Variants in F12 observed in about 807,000 individuals in gnomAD.
F12 encodes the protein Hageman factor.
In F12, 70 loss-of-function variants were observed where a neutral mutation model predicts 74.8. The observed-to-expected ratio is 0.94, with a 90% CI of 0.77 to 1.14. The LOEUF (loss-of-function observed/expected upper bound fraction) is 1.14. F12 is among the 50% of genes most tolerant of loss of function. The pLI is 0.00. For missense variants in F12, 811 were observed against 835.7 expected, an observed-to-expected ratio of 0.97 and a Z score of 0.36; for synonymous variants, 373 against 356.4, an observed-to-expected ratio of 1.05 and a Z score of -0.52.
rs1225854301 is a variant in F12 at position 177,404,604 on chromosome 5, G to T, written c.695C>A (p.Thr232Lys). 6.2e-7 allele frequency: 1 copy of T among 1,608,540 alleles called. No homozygotes were observed. The stretch of plus-strand genomic sequence containing the variant: ...CGGCTGACAGGGCGCACCCGAGAGC[G>T]TGGTCCTGGCCAGGCCGCGGTAGCT... ...GLSYRGLARTTLSGAPCQPWA... is the reference protein window; with the variant it reads ...GLSYRGLARTKLSGAPCQPWA... Residue 232 changes from threonine (T) to lysine (K), a missense_variant, in exon 8 of 14, where the codon ACG (threonine) becomes AAG (lysine). By Grantham distance (78) the Thr-to-Lys change is moderately conservative. Transcript: ENST00000253496.
At chr5:177,406,431 G>A (rs1253670435) in intron 2 of F12, among the ~76,000 whole-genome samples, 1 of 152,082 alleles carries the variant, frequency 6.6e-6, no homozygotes, top group Admixed American at 6.5e-5. Context: ...GGAGCTTGCA[G>A]TGAGCCGAGA....
Position 177,404,580 on chromosome 5 carries a change from G to C in F12, c.719C>G (p.Pro240Arg). The change falls in exon 8 of 14, where the codon CCG becomes CGG. Residue 240 changes from proline to arginine, a missense_variant. Coordinates refer to ENST00000253496, the MANE Select transcript of F12 (RefSeq NM_000505.4). ...RTTLSGAPCQPWASEATYRNV... is the reference protein window; with the variant it reads ...RTTLSGAPCQRWASEATYRNV... The stretch of plus-strand genomic sequence containing the variant: ...CCGGTAGGTGGCCTCCGAGGCCCAC[G>C]GCTGACAGGGCGCACCCGAGAGCGT... 6.2e-7 allele frequency: 1 copy of C among 1,607,964 alleles called. No homozygotes were observed. The highest frequency in any genetic ancestry group is 2.2e-5 in the East Asian group (1 of 44,742).
rs1445303015 is a variant in F12, at chr5:177,402,354, G to C, written c.1786C>G (p.Pro596Ala). 3.1e-6 allele frequency: 5 copies of C among 1,613,656 alleles called. No homozygotes were observed. Among genetic ancestry groups the C allele is most frequent in the Admixed American group, 1.7e-5 (1 of 60,004 alleles). ...TAGGCCACATCGGTGTAGACGCCTG[G>C]CTTGTTGCGGTCACCACAGCCCGAT... Reference protein sequence around the residue: ...WGSGCGDRNKPGVYTDVAYYL... With the variant: ...WGSGCGDRNKAGVYTDVAYYL... Residue 596 changes from proline (P) to alanine (A), a missense_variant, in exon 14 of 14, where the codon CCA (proline) becomes GCA (alanine). Pro to Ala is a conservative substitution (Grantham distance 27, BLOSUM62 -1). Transcript: ENST00000253496.
At chr5:177,404,759 G>T in intron 7 of F12, 51 bp downstream of exon 7, 1 of 1,589,464 alleles carries the variant, frequency 6.3e-7, no homozygotes, top group Non-Finnish European at 8.6e-7. Context: ...TTCCTGGCAA[G>T]CCCGTCCCAC....
At position 177,405,453 on chromosome 5, in the gene F12, G is replaced by A; in HGVS notation, c.287-20C>T. The A allele has an allele frequency of 1.2e-6, 2 of 1,606,692 alleles. No individual in the cohort carries two copies. Among genetic ancestry groups the A allele is most frequent in the Admixed American group, 1.7e-5 (1 of 59,062 alleles). On this transcript the variant is annotated intron_variant, in intron 4 of 13. Transcript: ENST00000253496. Reference sequence around the variant, plus strand: ...AGTGGTCTGAGAGATGGACATGGTGGAAGGAAGAGCAGGGAGCTGAGTCAC... The same window carrying A: ...AGTGGTCTGAGAGATGGACATGGTGAAAGGAAGAGCAGGGAGCTGAGTCAC...
chr5:177,402,950 T>C (rs1763176590), intron 12 of F12: 3 of 672,546 alleles, frequency 4.5e-6, no homozygotes, highest in Non-Finnish European at 7.4e-6. Flanking sequence ...TCGCAGAACC[T>C]GGCTCCCACA....
In F12 at chr5:177,404,212, C is replaced by T. The variant is rs765891708; in HGVS notation, c.1002G>A (p.Gln334=). ...CTTCCTAACCTCCCGGGGTCTGGGA[C>T]TGAGGCGGGGTCCGGGTCGTGGGCT... ...KPQPTTRTPP[Q]SQTPGALPAK... Residue 334 remains glutamine, a synonymous_variant, in exon 9 of 14, where the codon CAG becomes CAA. Transcript: ENST00000253496. 2 of 1,603,858 alleles carry T rather than the reference C, an allele frequency of 1.2e-6. No homozygotes were observed. Among genetic ancestry groups the T allele is most frequent in the East Asian group, 4.5e-5 (2 of 44,568 alleles).
rs1307946680 is a variant in F12, at chr5:177,404,487, C to T, written c.800+12G>A. ...CTGGGGCGGAGGGGTCACCCAGCCC[C>T]ACGCGGCGCACCGGCAGAAGGCGTG... On this transcript the variant is annotated intron_variant, in intron 8 of 13. Transcript: ENST00000253496. 13 of 1,590,478 alleles carry T rather than the reference C, an allele frequency of 8.2e-6. No homozygotes were observed. Among genetic ancestry groups the T allele is most frequent in the Non-Finnish European group, 1.0e-5 (12 of 1,168,964 alleles).
chr5:177,408,735 C>T (rs1315436020), intron 2 of F12, among the ~76,000 whole-genome samples: 2 of 152,250 alleles, frequency 1.3e-5, no homozygotes, highest in East Asian at 1.9e-4. Context: ...ATGAATGATG[C>T]CCATGAGACG....
In F12 at chr5:177,405,361, A is replaced by T. The variant is rs41309750; in HGVS notation, c.359T>A (p.Leu120His). ...CVNMPSGPHC[L>H]CPQHLTGNHC... The stretch of plus-strand genomic sequence containing the variant: ...GTTTCCAGTGAGGTGTTGTGGACAG[A>T]GACAGTGGGGGCCGCTTGGCATGTT... Residue 120 changes from leucine (L) to histidine (H), a missense_variant, in exon 5 of 14, where the codon CTC (leucine) becomes CAC (histidine). By Grantham distance (99) the Leu-to-His change is moderately conservative. Coordinates refer to ENST00000253496, the MANE Select transcript of F12 (RefSeq NM_000505.4). 205 of 1,614,136 alleles carry T rather than the reference A, an allele frequency of 1.3e-4. No homozygotes were observed. Among genetic ancestry groups the T allele is most frequent in the Middle Eastern group, 8.2e-4 (5 of 6,062 alleles).
rs41309756 is a variant in F12 at position 177,404,294 on chromosome 5, AC to A, written c.919del (p.Val307CysfsTer45). Reference sequence around the variant, plus strand: ...GAGTGGGACATGAAGCCTAGGGGACACCGGGGTCGGAGGCGCCGCCTGGGTT... The same window carrying A: ...GAGTGGGACATGAAGCCTAGGGGACACGGGGTCGGAGGCGCCGCCTGGGTT... ...TPTQAAPPTPVSPRLHVPLMP... is the reference protein window; with the variant it reads ...TPTQAAPPTPXSPRLHVPLMP... On this transcript the variant is annotated frameshift_variant, in exon 9 of 14. Transcript: ENST00000253496. LOFTEE classifies it high-confidence loss of function. 10 of 1,600,870 alleles carry A rather than the reference AC, an allele frequency of 6.2e-6. No individual in the cohort carries two copies. The Admixed American group carries it at 1.5e-4, about 25-fold the overall frequency.
rs1446089949 is a variant in F12, at chr5:177,403,681, C to G, written c.1251-64G>C. The G allele has an allele frequency of 7.6e-6, 12 of 1,571,932 alleles. No homozygotes were observed. In the East Asian group the frequency reaches 2.7e-4, roughly 36 times the overall value. ...TGGCCACAAGCGTTCTGGGGAAGCC[C>G]CCTGCTCCCGAACCCCAATCCCGTG... is the stretch of plus-strand genomic sequence containing the variant. On this transcript the variant is annotated intron_variant, in intron 10 of 13. Transcript: ENST00000253496.
At position 177,402,541 on chromosome 5, in the gene F12, A is replaced by C. The variant is rs1219095804; in HGVS notation, c.1680+9T>G. The C allele has an allele frequency of 1.2e-6, 2 of 1,609,536 alleles. No homozygotes were observed. Among genetic ancestry groups the C allele is most frequent in the African/African-American group, 2.7e-5 (2 of 74,828 alleles). On this transcript the variant is annotated intron_variant, in intron 13 of 13. Coordinates refer to ENST00000253496, the MANE Select transcript of F12 (RefSeq NM_000505.4). ...TCGGGGAAGGGCGCCAACCGGGCTA[A>C]GAGCTCACCTGGCACGCATCGGTGC...
rs973755738 is a variant in F12, at chr5:177,402,709, A to G, written c.1532-11T>C. The G allele has an allele frequency of 1.9e-6, 3 of 1,611,084 alleles. No homozygotes were observed. The highest frequency in any genetic ancestry group is 1.3e-5 in the African/African-American group (1 of 74,996). ...CATATTCCTCCGCCCCTGCGAACACAGAGCGCCTTCTTCACACCCCATCTG... is the reference window on the plus strand; with the variant it reads ...CATATTCCTCCGCCCCTGCGAACACGGAGCGCCTTCTTCACACCCCATCTG... On this transcript the variant is annotated splice_polypyrimidine_tract_variant and intron_variant, in intron 12 of 13. Coordinates refer to ENST00000253496, the MANE Select transcript of F12 (RefSeq NM_000505.4).
At chr5:177,407,656 T>C (rs1289075132) in intron 2 of F12, among the ~76,000 whole-genome samples, 2 of 151,956 alleles carry the variant, frequency 1.3e-5, no homozygotes, top group African/African-American at 2.4e-5. Flanking sequence ...CATGAAGTTG[T>C]GTGCCTGTAA....
At chr5:177,403,150 A>C in intron 12 of F12, 104 bp downstream of exon 12, 2 of 1,504,928 alleles carry the variant, frequency 1.3e-6, no homozygotes, top group Non-Finnish European at 9.1e-7. Flanking sequence ...AGCGCCACCC[A>C]TTCTGTAGGC....
chr5:177,405,298 GC>G, intron 5 of F12, 24 bp downstream of exon 5: 1 of 1,613,496 alleles, frequency 6.2e-7, no homozygotes, highest in Non-Finnish European at 8.5e-7. Flanking sequence ...CCAGCACCCC[GC>G]CCAGGTCCTC....
Position 177,405,981 on chromosome 5 carries a change from G to T in F12, c.196C>A (p.Arg66=). 1 of 1,614,082 alleles carries T rather than the reference G, an allele frequency of 6.2e-7. No individual in the cohort carries two copies. Among genetic ancestry groups the T allele is most frequent in the Non-Finnish European group, 8.5e-7 (1 of 1,180,008 alleles). ...QLYHKCTHKG[R]PGPQPWCATT... Reference sequence around the variant, plus strand: ...TCTTACCAGGGCTGAGGGCCTGGCCGGCCCTTGTGGGTACATTTGTGGTAC... The same window carrying T: ...TCTTACCAGGGCTGAGGGCCTGGCCTGCCCTTGTGGGTACATTTGTGGTAC... The change falls in exon 3 of 14, where the codon CGG becomes AGG. Residue 66 remains arginine, a synonymous_variant. Coordinates refer to ENST00000253496, the MANE Select transcript of F12 (RefSeq NM_000505.4).
rs141155093 is a variant in F12 at position 177,405,770 on chromosome 5, C to T, written c.251G>A (p.Arg84Gln). Residue 84 changes from arginine to glutamine, a missense_variant, in exon 4 of 14, where the codon CGA becomes CAA. Arg to Gln is a conservative substitution (Grantham distance 43). Coordinates refer to ENST00000253496, the MANE Select transcript of F12 (RefSeq NM_000505.4). ...ATTPNFDQDQ[R>Q]WGYCLEPKKV... Reference sequence around the variant, plus strand: ...CTTGGGCTCCAAACAGTATCCCCATCGCTGGTCCTGATCAAAGTTGGGGGT... The same window carrying T: ...CTTGGGCTCCAAACAGTATCCCCATTGCTGGTCCTGATCAAAGTTGGGGGT... 6.2e-6 allele frequency: 10 copies of T among 1,614,194 alleles called. No individual in the cohort carries two copies. Among genetic ancestry groups the T allele is most frequent in the East Asian group, 2.2e-5 (1 of 44,888 alleles).
Sources: gnomAD v4.1 joint callset for allele counts (sites outside exome capture counted in the v4.1 genomes callset) on GRCh38, gnomAD v4.1.1 for gene constraint, MANE v1.5 for transcripts, NCBI Gene and HGNC (gene_info 2026-07-23, HGNC 2026-07-21) for gene names.